ITGAX: variants seen among roughly 807,000 people sequenced by gnomAD.
The protein encoded by ITGAX is integrin subunit alpha X.
In ITGAX, 99 loss-of-function variants were observed where a neutral mutation model predicts 140.2. The observed-to-expected ratio is 0.71, with a 90% confidence interval of 0.60 to 0.83. The LOEUF (loss-of-function observed/expected upper bound fraction) is 0.83, where lower values mean the gene tolerates loss of function less well. Among genes scored for constraint, ITGAX ranks in the 40% least tolerant of loss-of-function variants. The pLI is 0.00. For missense variants in ITGAX, 1,444 were observed against 1,482.0 expected, an observed-to-expected ratio of 0.97 and a Z score of 0.42; for synonymous variants, 631 against 600.4, an observed-to-expected ratio of 1.05 and a Z score of -0.75.
At chr16:31,363,132 CG>C in intron 13 of ITGAX, 32 bp from the exon 14 acceptor site, 1 of 1,606,034 alleles carries the variant, frequency 6.2e-7, no homozygotes, top group Non-Finnish European at 8.5e-7. Flanking sequence ...AGGGGTTGCC[CG>C]GGTTGGGCCT....
Position 31,357,334 on chromosome 16 carries a change from C to G in ITGAX, c.400C>G (p.Leu134Val), listed in dbSNP as rs1306993565. Residue 134 changes from leucine to valine, a missense_variant, in exon 5 of 30, where the codon CTC (leucine) becomes GTC (valine). Leu to Val is a conservative substitution (Grantham distance 32, BLOSUM62 1). Coordinates refer to ENST00000268296, the MANE Select transcript of ITGAX (RefSeq NM_000887.5). ...CTGCTTCCTCCTGGGCCCCACCCAG[C>G]TCACCCAGAGGCTCCCGGTGTCCAG... ...GLCFLLGPTQ[L>V]TQRLPVSRQE... 2 of 1,606,570 alleles carry G rather than the reference C, an allele frequency of 1.2e-6. No individual in the cohort carries two copies. The highest frequency in any genetic ancestry group is 1.7e-6 in the Non-Finnish European group (2 of 1,177,130).
At chr16:31,369,177 G>A (rs1156587142) in intron 14 of ITGAX, among the ~76,000 whole-genome samples, 2 of 151,696 alleles carry the variant, frequency 1.3e-5, no homozygotes, top group Non-Finnish European at 2.9e-5. Context: ...CTTCCCAGTA[G>A]GGGCGGCCGG....
At chr16:31,360,281 G>A in intron 7 of ITGAX, 29 bp from the exon 8 acceptor site, 2 of 1,580,644 alleles carry the variant, frequency 1.3e-6, no homozygotes, top group Non-Finnish European at 1.7e-6. Flanking sequence ...TTGGTTCACA[G>A]GCCTCTAAGA....
chr16:31,368,814 C>T (rs371090750), intron 14 of ITGAX, among the ~76,000 whole-genome samples: 9 of 150,596 alleles, frequency 6.0e-5, no homozygotes, highest in Non-Finnish European at 1.0e-4. Context: ...TGACTCTTAA[C>T]GAGCATGCTG....
chr16:31,380,087 C>T (rs2081054507), intron 26 of ITGAX, 22 bp downstream of exon 26: 2 of 1,607,852 alleles, frequency 1.2e-6, no homozygotes, highest in East Asian at 2.2e-5. Context: ...TCTGGGCTGG[C>T]CCTCACTGTA....
chr16:31,357,283 G>T lies in ITGAX; in HGVS notation c.349G>T (p.Gly117Trp), dbSNP rs1490191771. 8.7e-6 allele frequency: 14 copies of T among 1,607,784 alleles called. No homozygotes were observed. In the East Asian group the frequency reaches 3.1e-4, roughly 36 times the overall value. The change falls in exon 5 of 30, where the codon GGG (glycine) becomes TGG (tryptophan). Residue 117 changes from glycine to tryptophan, a missense_variant. Gly to Trp is a radical substitution (Grantham distance 184). Coordinates refer to ENST00000268296, the MANE Select transcript of ITGAX (RefSeq NM_000887.5). ...ACGPTVHHEC[G>W]RNMYLTGLCF... ...CGGCCCCACCGTGCACCACGAGTGC[G>T]GGAGGAACATGTACCTCACCGGACT...
chr16:31,372,488 T>C lies in ITGAX; in HGVS notation c.2271T>C (p.Ala757=). 1 of 1,608,370 alleles carries C rather than the reference T, an allele frequency of 6.2e-7. No homozygotes were observed. Among genetic ancestry groups the C allele is most frequent in the Middle Eastern group, 1.7e-4 (1 of 6,032 alleles). ...RNLRPMLAAD[A]QRYFTASLPF... ...TGCGGCCTATGCTGGCCGCCGATGC[T>C]CAGAGATACTTCACGGCCTCCGTGA... The change falls in exon 18 of 30, where the codon GCT becomes GCC. Residue 757 remains alanine (A), a synonymous_variant. Transcript: ENST00000268296.
Position 31,379,629 on chromosome 16 carries a change from G to A in ITGAX, c.2851G>A (p.Ala951Thr). The change falls in exon 24 of 30, where the codon GCC becomes ACC. Residue 951 changes from alanine (A) to threonine (T), a missense_variant. Ala to Thr is a moderately conservative substitution (Grantham distance 58). Transcript: ENST00000268296. The stretch of plus-strand genomic sequence containing the variant: ...GTCTGAGGAGAAGGAAAGCCATGTG[G>A]CCATGCACAGATACCAGGCAGGTGG... ...SESEEKESHV[A>T]MHRYQVNNLG... is the part of the protein sequence containing the mutation. 2 of 1,563,494 alleles carry A rather than the reference G, an allele frequency of 1.3e-6. No homozygotes were observed. Among genetic ancestry groups the A allele is most frequent in the Non-Finnish European group, 1.7e-6 (2 of 1,152,858 alleles).
intron 3 of ITGAX, 114 bp from the exon 4 acceptor site, chr16:31,356,917 G>A: frequency 1.0e-6 from 1 of 997,064 alleles, no homozygotes; most frequent in Non-Finnish European, 1.5e-6. Flanking sequence ...AGACCCGACA[G>A]CTTCCTTCAC....
At chr16:31,370,969 C>A in intron 14 of ITGAX, 115 bp from the exon 15 acceptor site, 2 of 1,338,542 alleles carry the variant, frequency 1.5e-6, no homozygotes, top group Non-Finnish European at 1.1e-6. Context: ...CATCTGTTCA[C>A]AACTCACCCC....
At chr16:31,377,388 G>A in intron 23 of ITGAX, 123 bp downstream of exon 23, 5 of 758,264 alleles carry the variant, frequency 6.6e-6, no homozygotes, top group South Asian at 5.6e-5. Flanking sequence ...TAAAAGGTCA[G>A]GTGTTTCAGC....
chr16:31,357,175 T>C (rs775221870), intron 4 of ITGAX, 74 bp downstream of exon 4: 1 of 1,550,824 alleles, frequency 6.4e-7, no homozygotes, highest in Admixed American at 1.9e-5. Flanking sequence ...GCTGGGAGTC[T>C]CCTGTAGGGT....
chr16:31,373,312 C>T lies in ITGAX; in HGVS notation c.2430C>T (p.Asp810=), dbSNP rs751181843. Residue 810 remains aspartate (D), a synonymous_variant, in exon 20 of 30, where the codon GAC becomes GAT. Coordinates refer to ENST00000268296, the MANE Select transcript of ITGAX (RefSeq NM_000887.5). ...ELNAEVMVWN[D]GEDSYGTTIT... ...ACGCAGAAGTGATGGTGTGGAATGA[C>T]GGGGAAGACTCCTACGGAACCACCA... 2.0e-5 allele frequency: 33 copies of T among 1,613,668 alleles called. No individual in the cohort carries two copies. The highest frequency in any genetic ancestry group is 3.3e-5 in the Admixed American group (2 of 59,968).
chr16:31,381,980 ACGGGGAGG>A lies in ITGAX; in HGVS notation c.*74_*81del. The A allele has an allele frequency of 7.1e-7, 1 of 1,413,710 alleles. No homozygotes were observed. The highest frequency in any genetic ancestry group is 9.5e-7 in the Non-Finnish European group (1 of 1,048,160). The allele number at this position is 1,413,710 out of a possible 1,614,324, so 87.6% of individuals were successfully genotyped here. ...TACTTACCCTCACCTGTCAGGCCTG[ACGGGGAGG>A]AACCACTGCACCACCGAGAGAGGCT... On this transcript the variant is annotated 3_prime_UTR_variant, in exon 30 of 30. Transcript: ENST00000268296.
chr16:31,360,103 C>G (rs2080807063), intron 7 of ITGAX, 38 bp downstream of exon 7: 1 of 1,603,388 alleles, frequency 6.2e-7, no homozygotes, highest in African/African-American at 1.3e-5. Context: ...TCCCAAAGCA[C>G]CCAGGTCTTC....
At chr16:31,381,411 A>C (rs2142534472) in intron 29 of ITGAX, among the ~76,000 whole-genome samples, 1 of 152,230 alleles carries the variant, frequency 6.6e-6, no homozygotes, top group South Asian at 2.1e-4. Flanking sequence ...GGCTAAATCT[A>C]GGCTGGGCAC....
In ITGAX at chr16:31,361,833, C is replaced by T. The variant is rs915727419; in HGVS notation, c.1013-3C>T. 1.7e-5 allele frequency: 27 copies of T among 1,613,942 alleles called. No individual in the cohort carries two copies. The highest frequency in any genetic ancestry group is 2.3e-5 in the Non-Finnish European group (27 of 1,179,990). On this transcript the variant is annotated splice_polypyrimidine_tract_variant and splice_region_variant and intron_variant, in intron 9 of 29. Transcript: ENST00000268296. The stretch of plus-strand genomic sequence containing the variant: ...GGCACTCAAGCGTCATGCCTTCCCC[C>T]AGGTACGGAGACCACAAGCAGTAGC...
chr16:31,356,660 C>T lies in ITGAX; in HGVS notation c.179C>T (p.Ala60Val). The T allele has an allele frequency of 6.9e-6, 11 of 1,601,744 alleles. No homozygotes were observed. The highest frequency in any genetic ancestry group is 1.1e-5 in the South Asian group (1 of 88,428). ...VVGAPQKITA[A>V]NQTGGLYQCG... ...GGAGCCCCCCAAAAGATAACAGCTG[C>T]CAACCAAACGGGTGGCCTCTACCAG... The change falls in exon 3 of 30, where the codon GCC becomes GTC. Residue 60 changes from alanine (A) to valine (V), a missense_variant. By Grantham distance (64) the Ala-to-Val change is moderately conservative. Coordinates refer to ENST00000268296, the MANE Select transcript of ITGAX (RefSeq NM_000887.5).
chr16:31,369,569 A>C (rs1303842124), intron 14 of ITGAX, among the ~76,000 whole-genome samples: 3 of 152,238 alleles, frequency 2.0e-5, no homozygotes, highest in African/African-American at 7.2e-5. Context: ...GTGATCAGTC[A>C]GCCGTGTCAC....
Sources: allele counts gnomAD v4.1 joint callset (sites outside exome capture counted in the v4.1 genomes callset), GRCh38; gene constraint gnomAD v4.1.1; transcripts MANE v1.5; gene names NCBI Gene and HGNC (gene_info 2026-07-23, HGNC 2026-07-21).